Variants in HPF1 observed in about 807,000 individuals in gnomAD.
The protein encoded by HPF1 is histone PARylation factor 1.
HPF1 carries 35 observed loss-of-function variants against 38.8 expected under a neutral mutation model. The ratio of observed to expected loss-of-function variants is 0.90; its 90% CI spans 0.69 to 1.19. The LOEUF (loss-of-function observed/expected upper bound fraction) is 1.19. HPF1 is among the 50% of genes most tolerant of loss of function. The pLI is 0.00. For synonymous variants in HPF1, 115 were observed against 139.2 expected (o/e 0.83, Z 1.22); for missense variants, 367 against 405.8 (o/e 0.90, Z 0.82).
At chr4:169,748,914 C>A in intron 3 of HPF1, 72 bp from the exon 4 acceptor site, 1 of 695,018 alleles carries the variant, frequency 1.4e-6, no homozygotes, top group Non-Finnish European at 2.5e-6. Context: ...GATTTCAGGT[C>A]TACAGACAAC....
chr4:169,746,179 G>A (rs138112765), intron 4 of HPF1, among the ~76,000 whole-genome samples: 25 of 152,252 alleles, frequency 1.6e-4, no homozygotes, highest in African/African-American at 6.0e-4. Context: ...AAGTATTATA[G>A]TATATGGATA....
intron 1 of HPF1, among the ~76,000 whole-genome samples, chr4:169,755,889 G>T (rs1734183330): frequency 6.6e-6 from 1 of 152,140 alleles, no homozygotes; most frequent in African/African-American, 2.4e-5. Context: ...TCAGCTTTGG[G>T]ATTGGGCAAT....
chr4:169,740,692 G>C (rs977653891), intron 5 of HPF1, among the ~76,000 whole-genome samples: 1 of 152,148 alleles, frequency 6.6e-6, no homozygotes, highest in African/African-American at 2.4e-5. Flanking sequence ...GTTTTTACCA[G>C]CTGTTTTTGT....
chr4:169,735,384 T>C (rs1428830877), intron 6 of HPF1, among the ~76,000 whole-genome samples: 2 of 152,212 alleles, frequency 1.3e-5, no homozygotes, highest in African/African-American at 2.4e-5. Context: ...ACAAACTTAG[T>C]TGTGATTTGC....
intron 1 of HPF1, among the ~76,000 whole-genome samples, chr4:169,755,837 G>C (rs547670514): frequency 1.3e-5 from 2 of 152,336 alleles, no homozygotes; most frequent in South Asian, 2.1e-4. Flanking sequence ...AGGCTGAACG[G>C]ATAGGAGAGG....
intron 6 of HPF1, among the ~76,000 whole-genome samples, chr4:169,733,561 T>C (rs1733856766): frequency 6.6e-6 from 1 of 152,194 alleles, no homozygotes; most frequent in Admixed American, 6.5e-5. Flanking sequence ...AGGCACAACG[T>C]TCTGATGAGA....
chr4:169,736,918 G>A (rs1321039243), intron 6 of HPF1, among the ~76,000 whole-genome samples: 1 of 152,166 alleles, frequency 6.6e-6, no homozygotes, highest in Non-Finnish European at 1.5e-5. Flanking sequence ...CATTTTCAAA[G>A]TGTTTTTATA....
intron 7 of HPF1, among the ~76,000 whole-genome samples, chr4:169,730,140 C>G (rs755858260): frequency 6.6e-6 from 1 of 152,204 alleles, no homozygotes; most frequent in Non-Finnish European, 1.5e-5. Context: ...TCCCCCATCC[C>G]CAACACGTAC....
At chr4:169,736,855 G>A (rs975459113) in intron 6 of HPF1, among the ~76,000 whole-genome samples, 3 of 152,162 alleles carry the variant, frequency 2.0e-5, no homozygotes, top group African/African-American at 7.2e-5. Flanking sequence ...ATTGAGAAGC[G>A]ATTTTAATTC....
At chr4:169,748,426 A>T (rs1734075743) in intron 4 of HPF1, among the ~76,000 whole-genome samples, 1 of 151,714 alleles carries the variant, frequency 6.6e-6, no homozygotes. Context: ...GCTGCAATGC[A>T]GTGGCGCAAT....
At chr4:169,756,904 ACTT>A (rs199759372) in intron 1 of HPF1, among the ~76,000 whole-genome samples, 226 of 152,262 alleles carry the variant, frequency 1.5e-3, no homozygotes, top group African/African-American at 4.7e-3. Flanking sequence ...CAGAGGCTAC[ACTT>A]CTTCTTTACC....
intron 4 of HPF1, among the ~76,000 whole-genome samples, chr4:169,744,960 T>TAAGAGCAAAA (rs61481692): frequency 0.94 from 141,834 of 151,470 alleles, 66,628 homozygotes; most frequent in East Asian, 0.99. Flanking sequence ...GACTGTACAA[T>TAAGAGCAAAA]AAGAAAAAAA....
rs150871055 is a variant in HPF1 at position 169,750,544 on chromosome 4, C to G, written c.390G>C (p.Gly130=). ...IGDNKTQYHM[G]YFRDSPDEFP... ...AAGAAAAGATCCTTTACCTGAAATACCCCATGTGGTACTGAGTTTTATTAT... is the reference window on the plus strand; with the variant it reads ...AAGAAAAGATCCTTTACCTGAAATAGCCCATGTGGTACTGAGTTTTATTAT... Residue 130 remains glycine (G), a synonymous_variant, in exon 3 of 8, where the codon GGG becomes GGC. Transcript: ENST00000393381. 20 of 1,597,774 alleles carry G rather than the reference C, an allele frequency of 1.3e-5. No homozygotes were observed. The highest frequency in any genetic ancestry group is 4.3e-6 in the Non-Finnish European group (5 of 1,172,170).
chr4:169,733,748 T>G (rs1403939903), intron 6 of HPF1, among the ~76,000 whole-genome samples: 2 of 151,866 alleles, frequency 1.3e-5, no homozygotes, highest in East Asian at 3.9e-4. Flanking sequence ...ATAGAGAAAT[T>G]AGCTGGACTT....
chr4:169,743,146 G>A (rs1249214169), intron 4 of HPF1, among the ~76,000 whole-genome samples: 1 of 151,420 alleles, frequency 6.6e-6, no homozygotes, highest in Admixed American at 6.6e-5. Flanking sequence ...TTTCATTCTT[G>A]TTGCCCAGGC....
intron 3 of HPF1, among the ~76,000 whole-genome samples, chr4:169,749,721 A>AG (rs1398418837): frequency 1.9e-3 from 5 of 2,698 alleles, no homozygotes; most frequent in East Asian, 0.033. Context: ...ACTCAAATAC[A>AG]AAAAAAAAAA....
At chr4:169,731,654 G>C in intron 7 of HPF1, 50 bp downstream of exon 7, 1 of 1,395,288 alleles carries the variant, frequency 7.2e-7, no homozygotes, top group Non-Finnish European at 9.6e-7. Context: ...GTCGCGGGGA[G>C]AGGAGGGAGG....
At chr4:169,749,452 C>T (rs1184061299) in intron 3 of HPF1, among the ~76,000 whole-genome samples, 1 of 152,140 alleles carries the variant, frequency 6.6e-6, no homozygotes, top group Non-Finnish European at 1.5e-5. Flanking sequence ...GGTAGGAATA[C>T]TGCATGGTCT....
intron 4 of HPF1, among the ~76,000 whole-genome samples, chr4:169,742,624 C>T (rs947837310): frequency 1.3e-5 from 2 of 152,146 alleles, no homozygotes; most frequent in East Asian, 3.8e-4. Context: ...AACCCCGTCT[C>T]TACTAAAAAT....
Sources: allele counts gnomAD v4.1 joint callset (sites outside exome capture counted in the v4.1 genomes callset), GRCh38; gene constraint gnomAD v4.1.1; transcripts MANE v1.5; gene names NCBI Gene and HGNC (gene_info 2026-07-23, HGNC 2026-07-21).